Variants in IMMP1L observed in about 807,000 individuals in gnomAD.
The protein encoded by IMMP1L is mitochondrial inner membrane protease subunit 1.
IMMP1L carries 24 observed loss-of-function variants against 21.8 expected under a neutral mutation model. The ratio of observed to expected loss-of-function variants is 1.10; its 90% CI spans 0.80 to 1.55. The LOEUF (loss-of-function observed/expected upper bound fraction) is 1.55. Among genes scored for constraint, IMMP1L ranks in the 40% most tolerant of loss-of-function variants. The probability of loss-of-function intolerance (pLI) is 0.00; values close to 1 mark genes in which losing one functional copy is unlikely to be tolerated. For missense variants in IMMP1L, 195 were observed against 200.7 expected (o/e 0.97, Z 0.17); for synonymous variants, 46 against 62.8 (o/e 0.73, Z 1.26).
chr11:31,473,005 A>C (rs1412194297), intron 1 of IMMP1L, among the ~76,000 whole-genome samples: 1 of 151,944 alleles, frequency 6.6e-6, no homozygotes, highest in Non-Finnish European at 1.5e-5. Flanking sequence ...AGCTGGGACT[A>C]CAGGTGCCCG....
intron 1 of IMMP1L, chr11:31,488,338 C>T (rs185258063): frequency 3.9e-5 from 6 of 152,184 alleles, no homozygotes; most frequent in East Asian, 3.9e-4. Context: ...ACAGTTGTAA[C>T]GGTGCGTCTT....
intron 1 of IMMP1L, among the ~76,000 whole-genome samples, chr11:31,467,754 A>G: frequency 6.6e-6 from 1 of 151,262 alleles, no homozygotes; most frequent in East Asian, 1.9e-4. Context: ...GGTCAAAAAG[A>G]TATTTGAAAA....
At chr11:31,505,476 A>G (rs948233387) in intron 1 of IMMP1L, among the ~76,000 whole-genome samples, 1 of 152,210 alleles carries the variant, frequency 6.6e-6, no homozygotes, top group Non-Finnish European at 1.5e-5. Flanking sequence ...ACATTAGGCA[A>G]TCTGGCAGAA....
intron 2 of IMMP1L, among the ~76,000 whole-genome samples, chr11:31,462,072 T>G (rs1431969255): frequency 6.6e-6 from 1 of 152,098 alleles, no homozygotes; most frequent in East Asian, 1.9e-4. Flanking sequence ...CCCAGAACTT[T>G]GGGATGCCAA....
chr11:31,447,494 C>T (rs1953567003), intron 4 of IMMP1L, among the ~76,000 whole-genome samples: 1 of 152,186 alleles, frequency 6.6e-6, no homozygotes, highest in African/African-American at 2.4e-5. Context: ...ACATAATGTA[C>T]ACAAAGTAGA....
intron 1 of IMMP1L, among the ~76,000 whole-genome samples, chr11:31,484,930 A>G (rs1329033566): frequency 1.3e-5 from 2 of 151,900 alleles, no homozygotes; most frequent in African/African-American, 4.8e-5. Context: ...ATTAAAAAAC[A>G]AACCTCATAT....
intron 4 of IMMP1L, among the ~76,000 whole-genome samples, chr11:31,435,168 A>G (rs1953076983): frequency 6.6e-6 from 1 of 152,224 alleles, no homozygotes; most frequent in Admixed American, 6.5e-5. Flanking sequence ...AGTAAAATTA[A>G]AACATTATGC....
chr11:31,474,992 T>C (rs1954680469), intron 1 of IMMP1L, among the ~76,000 whole-genome samples: 1 of 152,156 alleles, frequency 6.6e-6, no homozygotes, highest in Admixed American at 6.5e-5. Flanking sequence ...GACTTTGTCC[T>C]GTCCTTTAAG....
intron 4 of IMMP1L, among the ~76,000 whole-genome samples, chr11:31,453,486 G>A (rs1000645079): frequency 1.3e-5 from 2 of 152,162 alleles, no homozygotes; most frequent in Non-Finnish European, 2.9e-5. Flanking sequence ...AGGATGCAGA[G>A]GTAAGGGGAA....
chr11:31,486,745 A>G (rs1367187329), intron 1 of IMMP1L, among the ~76,000 whole-genome samples: 1 of 151,964 alleles, frequency 6.6e-6, no homozygotes, highest in Non-Finnish European at 1.5e-5. Flanking sequence ...AATAACAAAA[A>G]TGAATGAAAT....
chr11:31,482,144 G>A (rs191492893), intron 1 of IMMP1L, among the ~76,000 whole-genome samples: 6 of 151,912 alleles, frequency 3.9e-5, no homozygotes, highest in Non-Finnish European at 7.4e-5. Context: ...TACGGTCATC[G>A]GCCTAAGTCC....
At chr11:31,449,666 C>A (rs1405288134) in intron 4 of IMMP1L, among the ~76,000 whole-genome samples, 1 of 152,096 alleles carries the variant, frequency 6.6e-6, no homozygotes, top group South Asian at 2.1e-4. Context: ...CTCTACAATT[C>A]ACAAAGAAAA....
At chr11:31,503,964 C>A (rs559268862) in intron 1 of IMMP1L, among the ~76,000 whole-genome samples, 1 of 151,986 alleles carries the variant, frequency 6.6e-6, no homozygotes, top group African/African-American at 2.4e-5. Flanking sequence ...AGTGATGATG[C>A]GATATAGCAA....
chr11:31,467,329 A>G (rs1954391306), intron 1 of IMMP1L, among the ~76,000 whole-genome samples: 3 of 152,164 alleles, frequency 2.0e-5, no homozygotes, highest in Admixed American at 2.0e-4. Flanking sequence ...GTAAGAAGCA[A>G]TGACACTATA....
chr11:31,497,197 C>G (rs1955471247), intron 1 of IMMP1L, among the ~76,000 whole-genome samples: 1 of 151,298 alleles, frequency 6.6e-6, no homozygotes, highest in Non-Finnish European at 1.5e-5. Flanking sequence ...ATAACTCCAT[C>G]ATAAGTCAAA....
chr11:31,452,656 CT>C, intron 4 of IMMP1L: 1 of 986,836 alleles, frequency 1.0e-6, no homozygotes. Flanking sequence ...AATCTCATAT[CT>C]TTACAGTAGC....
intron 4 of IMMP1L, among the ~76,000 whole-genome samples, chr11:31,436,664 T>G (rs1231452407): frequency 1.3e-5 from 2 of 152,164 alleles, no homozygotes; most frequent in East Asian, 3.9e-4. Flanking sequence ...ACTCCTGACC[T>G]CAAGCAATCC....
intron 1 of IMMP1L, among the ~76,000 whole-genome samples, chr11:31,496,577 G>A (rs1366312541): frequency 2.0e-5 from 3 of 151,836 alleles, no homozygotes; most frequent in Non-Finnish European, 4.4e-5. Context: ...CAACCCAAGA[G>A]TCTATCAACA....
intron 1 of IMMP1L, among the ~76,000 whole-genome samples, chr11:31,495,697 A>G (rs1955408580): frequency 6.6e-6 from 1 of 152,246 alleles, no homozygotes; most frequent in Admixed American, 6.5e-5. Flanking sequence ...AATAGAATAA[A>G]GAGCACAGAA....
Sources: gnomAD v4.1 joint callset for allele counts (sites outside exome capture counted in the v4.1 genomes callset) on GRCh38, gnomAD v4.1.1 for gene constraint, MANE v1.5 for transcripts, NCBI Gene and HGNC (gene_info 2026-07-23, HGNC 2026-07-21) for gene names.